SLC15A4: variants seen among roughly 807,000 people sequenced by gnomAD.
SLC15A4 encodes the protein hPHT1.
Under a neutral mutation model 46.1 loss-of-function variants are expected in SLC15A4, and 26 were observed. The observed-to-expected ratio is 0.56, with a 90% CI of 0.41 to 0.78. The LOEUF is 0.78. SLC15A4 is among the 30% of genes least tolerant of loss of function. The pLI is 0.00. For synonymous variants in SLC15A4, 370 were observed against 333.4 expected (o/e 1.11, Z -1.20); for missense variants, 751 against 755.7 (o/e 0.99, Z 0.07).
In SLC15A4 at chr12:128,796,899, C is replaced by T. The variant is rs558372812; in HGVS notation, c.1573+2360G>A. Among the ~76,000 whole-genome samples the T allele has an allele frequency of 3.3e-5, 5 of 152,322 alleles. No individual in the cohort carries two copies. In the South Asian group the frequency reaches 8.3e-4, roughly 25 times the overall value. On this transcript the variant is annotated intron_variant, in intron 7 of 7. Coordinates refer to ENST00000266771, the MANE Select transcript of SLC15A4 (RefSeq NM_145648.4). ...CTGAGGCCACATGAACTGAAGGCTG[C>T]GCGGCCCTGCGGGAGTGGAGGTGCG...
intron 5 of SLC15A4, among the ~76,000 whole-genome samples, chr12:128,807,810 A>G (rs1294603373): frequency 6.6e-6 from 1 of 152,282 alleles, no homozygotes; most frequent in African/African-American, 2.4e-5. Flanking sequence ...TGAACAAAAG[A>G]AAATGCAATA....
intron 3 of SLC15A4, 138 bp downstream of exon 3, chr12:128,809,805 C>T (rs1480484233): frequency 2.9e-5 from 25 of 848,936 alleles, no homozygotes; most frequent in Non-Finnish European, 1.7e-5. Flanking sequence ...ATAACTAAAA[C>T]CAAAAATTCC....
At chr12:128,813,441 A>T (rs1955693825) in intron 2 of SLC15A4, 3 of 152,246 alleles carry the variant, frequency 2.0e-5, no homozygotes, top group Admixed American at 2.0e-4. Flanking sequence ...GATCTGCCAG[A>T]ACTCCACACA....
At chr12:128,806,951 T>C (rs12369838) in intron 5 of SLC15A4, among the ~76,000 whole-genome samples, 83,340 of 145,010 alleles carry the variant, frequency 0.57, 24,519 homozygotes, top group Non-Finnish European at 0.65. Flanking sequence ...GTCACCAGGC[T>C]GGAGTGCAGT....
At chr12:128,820,577 G>A (rs1052386225) in intron 1 of SLC15A4, among the ~76,000 whole-genome samples, 11 of 152,216 alleles carry the variant, frequency 7.2e-5, no homozygotes, top group African/African-American at 2.7e-4. Flanking sequence ...CATACAAGCT[G>A]TGTAACTTTG....
Position 128,808,902 on chromosome 12 carries a change from G to T in SLC15A4, c.1144C>A (p.Pro382Thr). Residue 382 changes from proline (P) to threonine (T), a missense_variant, in exon 5 of 8, where the codon CCT becomes ACT. Coordinates refer to ENST00000266771, the MANE Select transcript of SLC15A4 (RefSeq NM_145648.4). Reference protein sequence around the residue: ...FDAVLILLLIPLKDKLVDPIL... With the variant: ...FDAVLILLLITLKDKLVDPIL... ...GGATCGACCAGTTTGTCCTTCAGAG[G>T]GATGAGCAGGAGGATGAGCACAGCA... The T allele has an allele frequency of 6.2e-7, 1 of 1,614,224 alleles. No individual in the cohort carries two copies. Among genetic ancestry groups the T allele is most frequent in the Non-Finnish European group, 8.5e-7 (1 of 1,180,044 alleles).
intron 1 of SLC15A4, among the ~76,000 whole-genome samples, chr12:128,819,224 T>G (rs552881069): frequency 2.0e-5 from 3 of 152,110 alleles, no homozygotes; most frequent in African/African-American, 7.2e-5. Flanking sequence ...GCCAACATGG[T>G]GAAACCCCGT....
At chr12:128,806,619 G>T (rs374767783) in intron 5 of SLC15A4, among the ~76,000 whole-genome samples, 8 of 152,314 alleles carry the variant, frequency 5.3e-5, no homozygotes, top group African/African-American at 1.9e-4. Flanking sequence ...CTCATGTCAA[G>T]TTATAAGATA....
chr12:128,807,457 C>A (rs1231430905), intron 5 of SLC15A4, among the ~76,000 whole-genome samples: 1 of 152,216 alleles, frequency 6.6e-6, no homozygotes, highest in Non-Finnish European at 1.5e-5. Context: ...AGGGAGGGAA[C>A]GAGGACTCCC....
rs1216708961 is a variant in SLC15A4 at position 128,809,934 on chromosome 12, A to T, written c.1011+9T>A. On this transcript the variant is annotated intron_variant, in intron 3 of 7. Transcript: ENST00000266771. ...ATAAAGGAAATTAAACCTGTTTGTC[A>T]CCACTCACTTGGAAATACACTGTCC... 6.2e-7 allele frequency: 1 copy of T among 1,608,418 alleles called. No individual in the cohort carries two copies. Among genetic ancestry groups the T allele is most frequent in the South Asian group, 1.1e-5 (1 of 89,770 alleles).
At chr12:128,822,137 G>C (rs1414952490) in intron 1 of SLC15A4, among the ~76,000 whole-genome samples, 1 of 152,088 alleles carries the variant, frequency 6.6e-6, no homozygotes, top group Non-Finnish European at 1.5e-5. Flanking sequence ...ATCTGACTTT[G>C]CTATTGCTCT....
chr12:128,808,255 T>C (rs959987), intron 5 of SLC15A4, among the ~76,000 whole-genome samples: 105,489 of 152,082 alleles, frequency 0.69, 37,126 homozygotes, highest in East Asian at 0.77. Flanking sequence ...CTTAGGCATT[T>C]GTTCTTATCA....
intron 7 of SLC15A4, among the ~76,000 whole-genome samples, chr12:128,798,197 G>C (rs1021425600): frequency 1.3e-5 from 2 of 152,326 alleles, no homozygotes; most frequent in Non-Finnish European, 2.9e-5. Context: ...CAGAACTATG[G>C]ACTTTGGTCT....
intron 5 of SLC15A4, among the ~76,000 whole-genome samples, chr12:128,807,022 C>T (rs976054286): frequency 1.3e-5 from 2 of 150,478 alleles, no homozygotes; most frequent in Non-Finnish European, 2.9e-5. Context: ...CCTGCCTCAA[C>T]CTCCCGAGTA....
rs564919308 is a variant in SLC15A4 at position 128,810,297 on chromosome 12, T to A, written c.843-186A>T. On this transcript the variant is annotated intron_variant, in intron 2 of 7. Transcript: ENST00000266771. ...AATTATTTCTAAATGTCACAGAATG[T>A]ACTGAAACAGCTGACAAAGGGACTT... The A allele has an allele frequency of 1.2e-3, 686 of 574,186 alleles. 9 individuals are homozygous for A. Among genetic ancestry groups the A allele is most frequent in the South Asian group, 0.011 (498 of 45,462 alleles). The allele number at this position is 574,186 out of a possible 1,614,324, so 35.6% of individuals were successfully genotyped here.
chr12:128,793,956 G>C lies in SLC15A4; in HGVS notation c.*240C>G. 1 of 369,796 alleles carries C rather than the reference G, an allele frequency of 2.7e-6. No individual in the cohort carries two copies. Among genetic ancestry groups the C allele is most frequent in the Non-Finnish European group, 4.9e-6 (1 of 205,756 alleles). The allele number at this position is 369,796 out of a possible 1,614,324, so 22.9% of individuals were successfully genotyped here. On this transcript the variant is annotated 3_prime_UTR_variant, in exon 8 of 8. Transcript: ENST00000266771. ...GATTCACAGAGACCTTGAATGACAA[G>C]CGACATACTCGAAATCTGCAGCTCT...
intron 7 of SLC15A4, among the ~76,000 whole-genome samples, chr12:128,795,436 G>C (rs890351277): frequency 9.9e-5 from 15 of 152,176 alleles, no homozygotes. Flanking sequence ...ATAAGATCAT[G>C]GGCCATGCAG....
At chr12:128,807,471 C>T (rs1955603449) in intron 5 of SLC15A4, among the ~76,000 whole-genome samples, 2 of 152,348 alleles carry the variant, frequency 1.3e-5, no homozygotes, top group Admixed American at 6.5e-5. Context: ...GACTCCCTTC[C>T]TTGGCATCAA....
chr12:128,795,913 G>C (rs986772029), intron 7 of SLC15A4, among the ~76,000 whole-genome samples: 1 of 152,228 alleles, frequency 6.6e-6, no homozygotes, highest in African/African-American at 2.4e-5. Flanking sequence ...TCGCAGGTGC[G>C]TGTGGCCGGC....
Sources: allele counts gnomAD v4.1 joint callset (sites outside exome capture counted in the v4.1 genomes callset), GRCh38; gene constraint gnomAD v4.1.1; transcripts MANE v1.5; gene names NCBI Gene and HGNC (gene_info 2026-07-23, HGNC 2026-07-21).